CTNNA3: variants seen among roughly 807,000 people sequenced by gnomAD.
The protein encoded by CTNNA3 is catenin alpha-3.
In CTNNA3, 76 loss-of-function variants were observed where a neutral mutation model predicts 95.7. That is an observed-to-expected ratio of 0.79 (90% CI 0.66 to 0.96). The LOEUF (loss-of-function observed/expected upper bound fraction) is 0.96. Ranked by LOEUF, CTNNA3 falls within the 40% of genes least tolerant of loss-of-function variation. The probability of loss-of-function intolerance (pLI) is 0.00; values close to 1 mark genes in which losing one functional copy is unlikely to be tolerated. For missense variants in CTNNA3, 1,191 were observed against 1,089.8 expected, an observed-to-expected ratio of 1.09 and a Z score of -1.31; for synonymous variants, 431 against 374.4, an observed-to-expected ratio of 1.15 and a Z score of -1.74.
chr10:67,415,735 A>C lies in CTNNA3; in HGVS notation c.579+106107T>G, dbSNP rs116876965. Among the ~76,000 whole-genome samples the C allele has an allele frequency of 0.025, 3,763 of 152,286 alleles. 306 individuals are homozygous for C. In the East Asian group the frequency reaches 0.29, roughly 12 times the overall value. On this transcript the variant is annotated intron_variant, in intron 5 of 17. Transcript: ENST00000433211. ...AAAAGACAGAGACATTACACTACCCAACATGAAACTGTACTACAAGGATAT... is the reference window on the plus strand; with the variant it reads ...AAAAGACAGAGACATTACACTACCCCACATGAAACTGTACTACAAGGATAT...
intron 17 of CTNNA3, among the ~76,000 whole-genome samples, chr10:65,948,044 A>C (rs943484984): frequency 1.3e-5 from 2 of 152,132 alleles, no homozygotes; most frequent in African/African-American, 4.8e-5. Flanking sequence ...TTGGGAGGCC[A>C]AGGTGGGCGG....
At chr10:67,700,226 C>T (rs182036297), upstream of CTNNA3, among the ~76,000 whole-genome samples, 93 of 152,356 alleles carry the variant, frequency 6.1e-4, no homozygotes, top group Non-Finnish European at 7.2e-4. Context: ...CAGCAGTAAC[C>T]TCTGCAGACT....
chr10:67,148,149 T>A (rs1434617459), intron 7 of CTNNA3, among the ~76,000 whole-genome samples: 3 of 152,034 alleles, frequency 2.0e-5, no homozygotes, highest in Admixed American at 6.6e-5. Context: ...ATAAAGAAGA[T>A]CCCACTGGGG....
At chr10:67,180,241 A>G (rs768428009) in intron 7 of CTNNA3, 76 bp downstream of exon 7, 4 of 1,216,134 alleles carry the variant, frequency 3.3e-6, no homozygotes, top group Non-Finnish European at 4.8e-6. Flanking sequence ...TATTTTGTAT[A>G]CGGAAAGTAT....
At chr10:67,029,902 T>C (rs1853616649) in intron 7 of CTNNA3, among the ~76,000 whole-genome samples, 1 of 152,186 alleles carries the variant, frequency 6.6e-6, no homozygotes, top group Admixed American at 6.5e-5. Context: ...CACTGGACAA[T>C]CCAGATATAG....
chr10:66,479,978 A>ACACACACACACACACACACACCCC (rs1427904243), intron 11 of CTNNA3, among the ~76,000 whole-genome samples: 11 of 151,332 alleles, frequency 7.3e-5, no homozygotes, highest in African/African-American at 2.7e-4. Flanking sequence ...ACACACACAC[A>ACACACACACACACACACACACCCC]CCCCAGAACT....
intron 13 of CTNNA3, among the ~76,000 whole-genome samples, chr10:66,225,931 T>G (rs577261466): frequency 1.3e-5 from 2 of 152,220 alleles, no homozygotes; most frequent in Non-Finnish European, 2.9e-5. Context: ...ATTTGGATAT[T>G]TTGCTGTTGA....
intron 1 of CTNNA3, among the ~76,000 whole-genome samples, chr10:67,676,468 T>G (rs894930038): frequency 1.3e-5 from 2 of 152,186 alleles, no homozygotes; most frequent in African/African-American, 2.4e-5. Context: ...AGGTCATTAC[T>G]ATTAATTTTT....
intron 5 of CTNNA3, among the ~76,000 whole-genome samples, chr10:67,317,725 T>C (rs1841119464): frequency 6.6e-6 from 1 of 152,066 alleles, no homozygotes; most frequent in South Asian, 2.1e-4. Flanking sequence ...CGCCTGGCCA[T>C]CATCGGGGGT....
chr10:66,961,748 T>C (rs1849118658), intron 7 of CTNNA3, among the ~76,000 whole-genome samples: 1 of 152,132 alleles, frequency 6.6e-6, no homozygotes, highest in Non-Finnish European at 1.5e-5. Flanking sequence ...CTATTACTCC[T>C]TGAGGACATT....
chr10:66,673,088 T>G (rs1846721871), intron 9 of CTNNA3, among the ~76,000 whole-genome samples: 1 of 152,130 alleles, frequency 6.6e-6, no homozygotes, highest in African/African-American at 2.4e-5. Context: ...ATAATGGGCA[T>G]TTACTACTGC....
At chr10:66,922,689 G>C (rs1846853356) in intron 7 of CTNNA3, among the ~76,000 whole-genome samples, 1 of 152,156 alleles carries the variant, frequency 6.6e-6, no homozygotes, top group Non-Finnish European at 1.5e-5. Flanking sequence ...TTGATGGTCA[G>C]TATTTTTTTC....
intron 7 of CTNNA3, among the ~76,000 whole-genome samples, chr10:66,968,837 T>C (rs1188578015): frequency 6.6e-6 from 1 of 151,970 alleles, no homozygotes; most frequent in African/African-American, 2.4e-5. Context: ...GCCAACATGG[T>C]GAAACCCTGT....
At chr10:67,745,252 ACCAACCTAAATAT>A (rs2131743375) in intron 1 of CTNNA3, among the ~76,000 whole-genome samples, 1 of 152,264 alleles carries the variant, frequency 6.6e-6, no homozygotes, top group South Asian at 2.1e-4. Flanking sequence ...AAGACTTGGA[ACCAACCTAAATAT>A]CCAACAACGA....
intron 16 of CTNNA3, among the ~76,000 whole-genome samples, chr10:65,987,831 C>T (rs1036334953): frequency 6.6e-6 from 1 of 151,570 alleles, no homozygotes; most frequent in Non-Finnish European, 1.5e-5. Context: ...ATGTGGTATA[C>T]AAGCACAATG....
chr10:66,647,614 C>T (rs1031813515), intron 9 of CTNNA3, among the ~76,000 whole-genome samples: 2 of 151,446 alleles, frequency 1.3e-5, no homozygotes, highest in African/African-American at 4.8e-5. Flanking sequence ...GGGTTCAGGC[C>T]ATTCTCCTGC....
chr10:66,046,197 G>A (rs1254606273), intron 15 of CTNNA3, among the ~76,000 whole-genome samples: 1 of 152,126 alleles, frequency 6.6e-6, no homozygotes, highest in East Asian at 1.9e-4. Context: ...GAAGTGGTGA[G>A]TGAATGAGCT....
At chr10:66,398,677 G>A (rs575941800) in intron 11 of CTNNA3, among the ~76,000 whole-genome samples, 1 of 151,672 alleles carries the variant, frequency 6.6e-6, no homozygotes, top group East Asian at 2.0e-4. Flanking sequence ...CTTTTTTTTA[G>A]TGCTAAGACT....
chr10:66,616,628 TACAGTGTGGTCCTTTGTAC>T (rs1844524258), intron 10 of CTNNA3, among the ~76,000 whole-genome samples: 1 of 152,078 alleles, frequency 6.6e-6, no homozygotes, highest in Admixed American at 6.6e-5. Flanking sequence ...GGCAAAGCTT[TACAGTGTGGTCCTTTGTAC>T]ACAGTAAGAA....
Sources: allele counts gnomAD v4.1 joint callset (sites outside exome capture counted in the v4.1 genomes callset), GRCh38; gene constraint gnomAD v4.1.1; transcripts MANE v1.5; gene names NCBI Gene and HGNC (gene_info 2026-07-23, HGNC 2026-07-21).